Variants in NEK7 observed in about 807,000 individuals in gnomAD.
NEK7 encodes serine/threonine-protein kinase Nek7.
In NEK7, 18 loss-of-function variants were observed where a neutral mutation model predicts 44.6. That is an observed-to-expected ratio of 0.40 (90% CI 0.28 to 0.60). The LOEUF (loss-of-function observed/expected upper bound fraction) is 0.60, where lower values mean the gene tolerates loss of function less well. Ranked by LOEUF, NEK7 falls within the 20% of genes least tolerant of loss-of-function variation. NEK7 has a pLI of 0.38. For synonymous variants in NEK7, 130 were observed against 121.1 expected (o/e 1.07, Z -0.48); for missense variants, 256 against 366.5 (o/e 0.70, Z 2.46).
chr1:198,314,528 GT>G (rs1655289797), intron 9 of NEK7, among the ~76,000 whole-genome samples: 1 of 152,124 alleles, frequency 6.6e-6, no homozygotes, highest in Non-Finnish European at 1.5e-5. Flanking sequence ...AGAGTTTCCA[GT>G]TTTTCTGCTC....
chr1:198,320,876 A>T lies in NEK7; in HGVS notation c.*1354A>T, dbSNP rs962917926. On this transcript the variant is annotated 3_prime_UTR_variant, in exon 10 of 10. Coordinates refer to ENST00000367385, the MANE Select transcript of NEK7 (RefSeq NM_133494.3). The stretch of plus-strand genomic sequence containing the variant: ...TCATGAAGATGACTGAGATGGTAAC[A>T]CTTCGTGTAGCTTAAGGAAATGGGC... 2.0e-5 allele frequency: 3 copies of T among 152,282 alleles called. No individual in the cohort carries two copies. The highest frequency in any genetic ancestry group is 7.2e-5 in the African/African-American group (3 of 41,468). 9.4% of individuals were successfully genotyped at this position (152,282 alleles called of 1,614,324 possible).
chr1:198,186,159 C>T (rs1254670204), intron 1 of NEK7, among the ~76,000 whole-genome samples: 1 of 152,058 alleles, frequency 6.6e-6, no homozygotes, highest in African/African-American at 2.4e-5. Flanking sequence ...ATTATTTTTA[C>T]TTGTGAAAGG....
In NEK7 at chr1:198,297,162, AATGAATTT is replaced by A. The variant is rs912501761; in HGVS notation, c.723_730del (p.Met241IlefsTer5). On this transcript the variant is annotated frameshift_variant, in exon 9 of 10. Coordinates refer to ENST00000367385, the MANE Select transcript of NEK7 (RefSeq NM_133494.3). LOFTEE classifies it high-confidence loss of function. ...TACAAAGTCCTTTCTATGGTGACAA[AATGAATTT>A]ATACTCACTGTGTAAGAAGATAGAA... 6.2e-7 allele frequency: 1 copy of A among 1,613,344 alleles called. No individual in the cohort carries two copies. Among genetic ancestry groups the A allele is most frequent in the Non-Finnish European group, 8.5e-7 (1 of 1,179,664 alleles).
intron 7 of NEK7, among the ~76,000 whole-genome samples, chr1:198,284,982 A>G (rs985185489): frequency 2.0e-5 from 3 of 152,180 alleles, no homozygotes; most frequent in Admixed American, 1.3e-4. Context: ...TTGTGGGTAC[A>G]GTAAGTTACA....
intron 1 of NEK7, among the ~76,000 whole-genome samples, chr1:198,165,849 T>C (rs986486505): frequency 1.3e-5 from 2 of 152,242 alleles, no homozygotes; most frequent in Admixed American, 6.5e-5. Context: ...TTATCCATAT[T>C]GGAAATCTGT....
chr1:198,300,452 TC>T (rs1654849464), intron 9 of NEK7, among the ~76,000 whole-genome samples: 1 of 152,238 alleles, frequency 6.6e-6, no homozygotes, highest in Non-Finnish European at 1.5e-5. Flanking sequence ...TACCTCTTTT[TC>T]CTGTTCTTTC....
rs1655541985 is a variant in NEK7, at chr1:198,321,804, CTATAAAATGTTCTT to C, written c.*2287_*2300del. The C allele has an allele frequency of 6.6e-6, 1 of 151,978 alleles. No homozygotes were observed. Among genetic ancestry groups the C allele is most frequent in the African/African-American group, 2.4e-5 (1 of 41,412 alleles). 9.4% of individuals were successfully genotyped at this position (151,978 alleles called of 1,614,324 possible). A position where few individuals can be genotyped will look rare whatever the true frequency, so the allele number is the denominator to read the frequency against. On this transcript the variant is annotated 3_prime_UTR_variant, in exon 10 of 10. Coordinates refer to ENST00000367385, the MANE Select transcript of NEK7 (RefSeq NM_133494.3). ...TTGAAGCTCTAATTTATATAGTCAC[CTATAAAATGTTCTT>C]TATATGTGTTCATAAGTAAATTTTA...
chr1:198,300,606 G>C (rs1256717814), intron 9 of NEK7, among the ~76,000 whole-genome samples: 1 of 152,192 alleles, frequency 6.6e-6, no homozygotes. Context: ...TTGCATGGAT[G>C]CCTCCCCCTG....
At position 198,270,261 on chromosome 1, in the gene NEK7, C is replaced by T. The variant is rs559762080; in HGVS notation, c.372+6026C>T. 1.1e-4 allele frequency among the ~76,000 whole-genome samples: 17 copies of T among 151,902 alleles called. No individual in the cohort carries two copies. The South Asian group carries it at 3.1e-3, about 28-fold the overall frequency. ...TTGTAAGTGCCTGTATTTATAACTA[C>T]CTATTTGAATTAATATAGGTCAATT... On this transcript the variant is annotated intron_variant, in intron 5 of 9. Transcript: ENST00000367385.
chr1:198,227,549 A>G (rs1666263619), intron 1 of NEK7, among the ~76,000 whole-genome samples: 2 of 152,116 alleles, frequency 1.3e-5, no homozygotes, highest in South Asian at 4.1e-4. Flanking sequence ...TGGCTTTTTA[A>G]TGATCGCCAT....
intron 1 of NEK7, among the ~76,000 whole-genome samples, chr1:198,213,930 A>T (rs1488328409): frequency 1.3e-5 from 2 of 152,138 alleles, no homozygotes; most frequent in East Asian, 3.9e-4. Flanking sequence ...AAAAAAATTT[A>T]AAAAGTGCAC....
At chr1:198,199,583 C>A (rs566028715) in intron 1 of NEK7, among the ~76,000 whole-genome samples, 1 of 151,624 alleles carries the variant, frequency 6.6e-6, no homozygotes, top group Admixed American at 6.6e-5. Context: ...GTTTTTATCC[C>A]CTTTTAGTAC....
intron 1 of NEK7, among the ~76,000 whole-genome samples, chr1:198,170,316 C>T (rs1664399306): frequency 6.6e-6 from 1 of 152,036 alleles, no homozygotes; most frequent in South Asian, 2.1e-4. Context: ...CAGACAGAGA[C>T]TAGTTTGGCA....
intron 6 of NEK7, among the ~76,000 whole-genome samples, chr1:198,278,309 T>C (rs972416744): frequency 2.0e-5 from 3 of 151,540 alleles, no homozygotes; most frequent in Non-Finnish European, 1.5e-5. Context: ...TTGGTAAAGA[T>C]AAGACAGCAA....
chr1:198,271,420 A>G (rs1291661044), intron 5 of NEK7, among the ~76,000 whole-genome samples: 1 of 152,034 alleles, frequency 6.6e-6, no homozygotes, highest in Non-Finnish European at 1.5e-5. Context: ...AATGTCAACC[A>G]TGTTTTGGAG....
At chr1:198,161,564 T>C (rs1226206407) in intron 1 of NEK7, among the ~76,000 whole-genome samples, 1 of 152,224 alleles carries the variant, frequency 6.6e-6, no homozygotes, top group Non-Finnish European at 1.5e-5. Context: ...GCTTAGACTC[T>C]TGTGACAATT....
At chr1:198,193,767 C>T (rs893157150) in intron 1 of NEK7, among the ~76,000 whole-genome samples, 8 of 152,086 alleles carry the variant, frequency 5.3e-5, no homozygotes, top group African/African-American at 1.9e-4. Flanking sequence ...TAAAAACTCT[C>T]AATCAACTAG....
intron 1 of NEK7, among the ~76,000 whole-genome samples, chr1:198,164,652 C>T (rs183616278): frequency 1.3e-5 from 2 of 152,234 alleles, no homozygotes; most frequent in Admixed American, 6.5e-5. Flanking sequence ...AAAATGCTAA[C>T]GATCATCTGA....
intron 1 of NEK7, among the ~76,000 whole-genome samples, chr1:198,163,477 G>A (rs1038083587): frequency 1.3e-5 from 2 of 151,320 alleles, no homozygotes; most frequent in Middle Eastern, 6.3e-3. Context: ...TGATGCCACC[G>A]CACTCCCACC....
Sources: gnomAD v4.1 joint callset for allele counts (sites outside exome capture counted in the v4.1 genomes callset) on GRCh38, gnomAD v4.1.1 for gene constraint, MANE v1.5 for transcripts, NCBI Gene and HGNC (gene_info 2026-07-23, HGNC 2026-07-21) for gene names.